KCNQ5: variants seen among roughly 807,000 people sequenced by gnomAD.
KCNQ5 encodes potassium voltage-gated channel subfamily KQT member 5.
In KCNQ5, 30 loss-of-function variants were observed where a neutral mutation model predicts 98.2. The observed-to-expected ratio is 0.31, with a 90% CI of 0.23 to 0.41. The LOEUF is 0.41. Among genes scored for constraint, KCNQ5 ranks in the 10% least tolerant of loss-of-function variants. KCNQ5 has a pLI of 1.00. For missense variants in KCNQ5, 835 were observed against 1,182.5 expected (o/e 0.71, Z 4.31); for synonymous variants, 458 against 449.4 (o/e 1.02, Z -0.24).
chr6:73,080,839 C>T (rs1197999401), intron 5 of KCNQ5, among the ~76,000 whole-genome samples: 1 of 152,190 alleles, frequency 6.6e-6, no homozygotes, highest in African/African-American at 2.4e-5. Flanking sequence ...AATACTAACT[C>T]TGGAACTCCT....
intron 3 of KCNQ5, among the ~76,000 whole-genome samples, chr6:73,048,602 T>C (rs193226426): frequency 4.8e-4 from 73 of 152,308 alleles, no homozygotes; most frequent in Middle Eastern, 3.4e-3. Context: ...TATGGCTGTT[T>C]AATGCCCTGG....
intron 1 of KCNQ5, among the ~76,000 whole-genome samples, chr6:72,852,076 TC>T (rs572991764): frequency 1.3e-3 from 193 of 152,284 alleles, no homozygotes; most frequent in Middle Eastern, 3.4e-3. Context: ...ACAGCAAGGT[TC>T]TCTGTGGCCT....
chr6:72,687,821 C>CT (rs1435759622), intron 1 of KCNQ5, among the ~76,000 whole-genome samples: 1 of 146,336 alleles, frequency 6.8e-6, no homozygotes, highest in Non-Finnish European at 1.5e-5. Flanking sequence ...AAATGCTAGT[C>CT]TTTTTATTGA....
intron 1 of KCNQ5, among the ~76,000 whole-genome samples, chr6:72,659,546 A>AG (rs1405744720): frequency 3.3e-5 from 5 of 152,234 alleles, no homozygotes; most frequent in Admixed American, 2.6e-4. Flanking sequence ...GTGTCTGGTG[A>AG]GGGCTACTCT....
chr6:72,955,844 C>T (rs974685522), intron 1 of KCNQ5, among the ~76,000 whole-genome samples: 3 of 151,994 alleles, frequency 2.0e-5, no homozygotes, highest in East Asian at 1.9e-4. Flanking sequence ...TGCTCGAGCC[C>T]GGGAGGAGGA....
At chr6:73,000,905 C>T (rs1434869912) in intron 1 of KCNQ5, among the ~76,000 whole-genome samples, 1 of 152,180 alleles carries the variant, frequency 6.6e-6, no homozygotes, top group East Asian at 1.9e-4. Flanking sequence ...CAGACTCTGC[C>T]CTACAAGCCT....
At chr6:73,061,259 G>A (rs957353559) in intron 3 of KCNQ5, among the ~76,000 whole-genome samples, 1 of 152,152 alleles carries the variant, frequency 6.6e-6, no homozygotes, top group Admixed American at 6.5e-5. Context: ...AAAAAGAAGA[G>A]AATAAAAATG....
chr6:72,822,550 A>C (rs1462077940), intron 1 of KCNQ5, among the ~76,000 whole-genome samples: 4 of 152,190 alleles, frequency 2.6e-5, no homozygotes, highest in East Asian at 1.9e-4. Flanking sequence ...TCCATAAAGC[A>C]TGCTTTCCTA....
intron 3 of KCNQ5, among the ~76,000 whole-genome samples, chr6:73,068,455 GTAA>G (rs981149221): frequency 1.3e-5 from 2 of 152,106 alleles, no homozygotes; most frequent in African/African-American, 4.8e-5. Flanking sequence ...CGCATTTGTG[GTAA>G]TAATAATAGT....
At chr6:72,640,079 C>T (rs1478574060) in intron 1 of KCNQ5, among the ~76,000 whole-genome samples, 1 of 152,076 alleles carries the variant, frequency 6.6e-6, no homozygotes, top group Non-Finnish European at 1.5e-5. Flanking sequence ...TAGAAGGCTA[C>T]CTGGTGTGTG....
intron 11 of KCNQ5, among the ~76,000 whole-genome samples, chr6:73,187,431 A>C (rs1171466307): frequency 7.3e-6 from 1 of 136,726 alleles, no homozygotes; most frequent in Non-Finnish European, 1.6e-5. Flanking sequence ...GCACCACTGC[A>C]CATACTCCTC....
At chr6:72,924,669 C>T (rs1780545993) in intron 1 of KCNQ5, among the ~76,000 whole-genome samples, 1 of 152,180 alleles carries the variant, frequency 6.6e-6, no homozygotes. Context: ...TCTCACCCTC[C>T]TTCCACTCGC....
At chr6:72,757,021 A>G (rs745654078) in intron 1 of KCNQ5, among the ~76,000 whole-genome samples, 3 of 152,176 alleles carry the variant, frequency 2.0e-5, no homozygotes, top group South Asian at 2.1e-4. Flanking sequence ...AATGAATGAA[A>G]TGTAATATAA....
chr6:72,682,481 C>T (rs1767756473), intron 1 of KCNQ5, among the ~76,000 whole-genome samples: 1 of 151,976 alleles, frequency 6.6e-6, no homozygotes, highest in Non-Finnish European at 1.5e-5. Context: ...TTATGTCTTC[C>T]TTGCTTCCTT....
At chr6:72,864,637 T>A (rs1777904979) in intron 1 of KCNQ5, among the ~76,000 whole-genome samples, 1 of 152,150 alleles carries the variant, frequency 6.6e-6, no homozygotes, top group African/African-American at 2.4e-5. Flanking sequence ...AGATGCTAGT[T>A]TCTCTCAATA....
intron 10 of KCNQ5, among the ~76,000 whole-genome samples, chr6:73,166,544 A>G (rs887791027): frequency 6.8e-6 from 1 of 146,804 alleles, no homozygotes; most frequent in South Asian, 2.2e-4. Flanking sequence ...TACTATCATC[A>G]TCATTATTGT....
intron 1 of KCNQ5, among the ~76,000 whole-genome samples, chr6:72,970,599 A>G (rs923290099): frequency 6.6e-6 from 1 of 152,214 alleles, no homozygotes; most frequent in African/African-American, 2.4e-5. Flanking sequence ...TTCAAACTAT[A>G]CTACAAGGCC....
intron 1 of KCNQ5, among the ~76,000 whole-genome samples, chr6:72,913,337 G>T (rs1780016443): frequency 6.6e-6 from 1 of 152,056 alleles, no homozygotes; most frequent in Non-Finnish European, 1.5e-5. Flanking sequence ...AAGGCCACTA[G>T]ATCATCATGA....
At position 72,672,380 on chromosome 6, in the gene KCNQ5, G is replaced by T. The variant is rs544879524; in HGVS notation, c.398+49793G>T. Among the ~76,000 whole-genome samples, 2 of 152,252 alleles carry T rather than the reference G, an allele frequency of 1.3e-5. 1 individual carries two copies. Among genetic ancestry groups the T allele is most frequent in the African/African-American group, 4.8e-5 (2 of 41,544 alleles). On this transcript the variant is annotated intron_variant, in intron 1 of 13. Transcript: ENST00000370398. ...CCCAAAGTGATGGGATTACAGGGGT[G>T]AGCCACTGCGCCCAGCCTTCACCAG...
Sources: allele counts gnomAD v4.1 joint callset (sites outside exome capture counted in the v4.1 genomes callset), GRCh38; gene constraint gnomAD v4.1.1; transcripts MANE v1.5; gene names NCBI Gene and HGNC (gene_info 2026-07-23, HGNC 2026-07-21).